Variants in CNIH2 observed in about 807,000 individuals in gnomAD.
CNIH2 encodes the protein protein cornichon homolog 2.
In CNIH2, 8 loss-of-function variants were observed where a neutral mutation model predicts 22.9. That is an observed-to-expected ratio of 0.35 (90% CI 0.20 to 0.63). The LOEUF (loss-of-function observed/expected upper bound fraction) is 0.63. Ranked by LOEUF, CNIH2 falls within the 30% of genes least tolerant of loss-of-function variation. The probability of loss-of-function intolerance (pLI) is 0.72; values close to 1 mark genes in which losing one functional copy is unlikely to be tolerated. For missense variants in CNIH2, 105 were observed against 206.2 expected, an observed-to-expected ratio of 0.51 and a Z score of 3.01; for synonymous variants, 74 against 78.2, an observed-to-expected ratio of 0.95 and a Z score of 0.28.
At chr11:66,282,856 T>TC (rs1404309033) in intron 3 of CNIH2, 76 bp downstream of exon 3, 1 of 1,523,014 alleles carries the variant, frequency 6.6e-7, no homozygotes, top group Non-Finnish European at 9.0e-7. Context: ...AACCAGGCCT[T>TC]CCCCTGCTTT....
chr11:66,282,423 T>TGGGGGGCGGGGGGGGGGGGGGG, intron 2 of CNIH2, 96 bp downstream of exon 2: 2 of 147,072 alleles, frequency 1.4e-5, no homozygotes, highest in Non-Finnish European at 1.3e-5. Flanking sequence ...GGGGGTGGGG[T>TGGGGGGCGGGGGGGGGGGGGGG]GGGGGGCCTA....
Position 66,282,254 on chromosome 11 carries a change from C to T in CNIH2, c.82-5C>T. 1 of 1,613,664 alleles carries T rather than the reference C, an allele frequency of 6.2e-7. No individual in the cohort carries two copies. On this transcript the variant is annotated splice_region_variant and splice_polypyrimidine_tract_variant and intron_variant, in intron 1 of 5. Transcript: ENST00000311445. ...AACCCTGACGGGCACACGCCCCTCC[C>T]CCAGATCATAGCCTTTGATGAGCTG...
intron 2 of CNIH2, 136 bp from the exon 3 acceptor site, chr11:66,282,597 G>A (rs1223249508): frequency 7.4e-6 from 8 of 1,077,510 alleles, no homozygotes; most frequent in South Asian, 3.0e-5. Flanking sequence ...GGGACGGCGC[G>A]GCTGCTTCCC....
intron 1 of CNIH2, among the ~76,000 whole-genome samples, chr11:66,281,152 A>C (rs567113975): frequency 6.6e-6 from 1 of 151,070 alleles, no homozygotes; most frequent in East Asian, 1.9e-4. Flanking sequence ...CTCCACTACA[A>C]CTCTCCTCAC....
Position 66,280,380 on chromosome 11 carries a change from C to T in CNIH2, c.81+1843C>T, listed in dbSNP as rs557908436. The stretch of plus-strand genomic sequence containing the variant: ...ATTTGTCCCAAGTCTGGTTCCTCGC[C>T]GGCAAAGTGGACCTGTGCACATCAG... On this transcript the variant is annotated intron_variant, in intron 1 of 5. Transcript: ENST00000311445. Among the ~76,000 whole-genome samples the T allele has an allele frequency of 2.6e-5, 4 of 152,354 alleles. No homozygotes were observed. The East Asian group carries it at 7.7e-4, about 29-fold the overall frequency.
In CNIH2 at chr11:66,278,657, C is replaced by T. The variant is rs1205355161; in HGVS notation, c.81+120C>T. On this transcript the variant is annotated intron_variant, in intron 1 of 5. Transcript: ENST00000311445. ...GGGAAACTTGCTATCCCCCAGCCGT[C>T]GGCTTGTCGGCTTCGCCCCCATTAA... The T allele has an allele frequency of 6.5e-6, 4 of 614,832 alleles. No individual in the cohort carries two copies. In the Admixed American group the frequency reaches 1.5e-4, roughly 24 times the overall value. The allele number at this position is 614,832 out of a possible 1,614,324, so 38.1% of individuals were successfully genotyped here. A position where few individuals can be genotyped will look rare whatever the true frequency, so the allele number is the denominator to read the frequency against.
chr11:66,281,907 C>A (rs1303526168), intron 1 of CNIH2, among the ~76,000 whole-genome samples: 1 of 152,108 alleles, frequency 6.6e-6, no homozygotes, highest in Non-Finnish European at 1.5e-5. Context: ...GTGATCATCC[C>A]TCTGGGCCTG....
chr11:66,281,182 G>A (rs372215413), intron 1 of CNIH2, among the ~76,000 whole-genome samples: 5 of 152,094 alleles, frequency 3.3e-5, no homozygotes, highest in African/African-American at 1.2e-4. Context: ...CATCAGCCCT[G>A]CCCCTAACCC....
chr11:66,282,192 CAGA>C, intron 1 of CNIH2, 64 bp from the exon 2 acceptor site: 1 of 1,398,290 alleles, frequency 7.2e-7, no homozygotes, highest in Non-Finnish European at 1.0e-6. Context: ...AACTATCCCA[CAGA>C]AGGACTTGGG....
Position 66,282,771 on chromosome 11 carries a change from C to G in CNIH2, c.189C>G (p.Leu63=). 6.2e-7 allele frequency: 1 copy of G among 1,612,350 alleles called. No individual in the cohort carries two copies. The highest frequency in any genetic ancestry group is 1.3e-5 in the African/African-American group (1 of 74,988). ...AAAACATCGAACGCATCTGCTGCCT[C>G]CTGAGGAAGGTCAGTGTCAGGGCTG... ...RLKNIERICC[L]LRKLVVPEYS... is the part of the protein sequence containing the mutation. Residue 63 remains leucine, a synonymous_variant, in exon 3 of 6, where the codon CTC becomes CTG. Transcript: ENST00000311445.
At chr11:66,282,538 T>C in intron 2 of CNIH2, 195 bp from the exon 3 acceptor site, 1 of 847,854 alleles carries the variant, frequency 1.2e-6, no homozygotes, top group East Asian at 2.7e-5. Flanking sequence ...CTCTGGGCCG[T>C]TGCCATGGAG....
intron 1 of CNIH2, among the ~76,000 whole-genome samples, chr11:66,280,594 T>A (rs2134877810): frequency 6.6e-6 from 1 of 152,262 alleles, no homozygotes; most frequent in African/African-American, 2.4e-5. Context: ...TGGGGGATTG[T>A]TTGTTCCGGG....
chr11:66,279,735 C>T (rs1420418251), intron 1 of CNIH2, among the ~76,000 whole-genome samples: 1 of 152,112 alleles, frequency 6.6e-6, no homozygotes, highest in Non-Finnish European at 1.5e-5. Flanking sequence ...TTTGCCATCC[C>T]CTGCCACCTT....
intron 1 of CNIH2, 71 bp from the exon 2 acceptor site, chr11:66,282,188 C>G: frequency 1.5e-6 from 2 of 1,346,716 alleles, no homozygotes; most frequent in Non-Finnish European, 2.1e-6. Flanking sequence ...AGTAAACTAT[C>G]CCACAGAAGG....
chr11:66,278,327 G>T lies in CNIH2; in HGVS notation c.-130G>T, dbSNP rs1178869347. 1.0e-5 allele frequency: 2 copies of T among 199,088 alleles called. No homozygotes were observed. The highest frequency in any genetic ancestry group is 1.6e-4 in the South Asian group (1 of 6,132). 12.3% of individuals were successfully genotyped at this position (199,088 alleles called of 1,614,324 possible). On this transcript the variant is annotated 5_prime_UTR_variant, in exon 1 of 6. Coordinates refer to ENST00000311445, the MANE Select transcript of CNIH2 (RefSeq NM_182553.3). ...CCCACGGCCCCGCGGTCCCGGTCCC[G>T]GCCGCATCACCCACGTCCCCCGAGC...
chr11:66,282,247 C>G lies in CNIH2; in HGVS notation c.82-12C>G. Reference sequence around the variant, plus strand: ...CTGCCCCAACCCTGACGGGCACACGCCCCTCCCCCAGATCATAGCCTTTGA... The same window carrying G: ...CTGCCCCAACCCTGACGGGCACACGGCCCTCCCCCAGATCATAGCCTTTGA... On this transcript the variant is annotated splice_polypyrimidine_tract_variant and intron_variant, in intron 1 of 5. Coordinates refer to ENST00000311445, the MANE Select transcript of CNIH2 (RefSeq NM_182553.3). The G allele has an allele frequency of 6.2e-7, 1 of 1,612,452 alleles. No homozygotes were observed. Among genetic ancestry groups the G allele is most frequent in the South Asian group, 1.1e-5 (1 of 91,064 alleles).
chr11:66,278,569 G>C (rs769125656), intron 1 of CNIH2, 32 bp downstream of exon 1: 1 of 1,265,666 alleles, frequency 7.9e-7, no homozygotes, highest in Non-Finnish European at 1.1e-6. Context: ...GGCTGGGGGC[G>C]GGGTGGGGGG....
intron 1 of CNIH2, among the ~76,000 whole-genome samples, chr11:66,280,652 C>T (rs553449065): frequency 4.5e-4 from 68 of 152,270 alleles, no homozygotes; most frequent in African/African-American, 1.6e-3. Flanking sequence ...GGGTGACGCC[C>T]GCCGCCTGCT....
chr11:66,279,420 C>G (rs2134876091), intron 1 of CNIH2, among the ~76,000 whole-genome samples: 1 of 152,226 alleles, frequency 6.6e-6, no homozygotes, highest in South Asian at 2.1e-4. Flanking sequence ...TTGGGGGCCC[C>G]TGGCCCCACT....
Sources: allele counts gnomAD v4.1 joint callset (sites outside exome capture counted in the v4.1 genomes callset), GRCh38; gene constraint gnomAD v4.1.1; transcripts MANE v1.5; gene names NCBI Gene and HGNC (gene_info 2026-07-23, HGNC 2026-07-21).